DUOXA2: variants seen among roughly 807,000 people sequenced by gnomAD.
The protein encoded by DUOXA2 is dual oxidase maturation factor 2.
DUOXA2 carries 22 observed loss-of-function variants against 27.6 expected under a neutral mutation model. The observed-to-expected ratio is 0.80, with a 90% CI of 0.57 to 1.14. The LOEUF is 1.14. DUOXA2 is among the 50% of genes most tolerant of loss of function. The pLI is 0.00. For synonymous variants in DUOXA2, 188 were observed against 184.4 expected (o/e 1.02, Z -0.16); for missense variants, 481 against 419.9 (o/e 1.15, Z -1.27).
At position 45,117,224 on chromosome 15, in the gene DUOXA2, G is replaced by T. The variant is rs1245993802; in HGVS notation, c.688G>T (p.Val230Leu). The T allele has an allele frequency of 2.5e-6, 4 of 1,610,234 alleles. No individual in the cohort carries two copies. Among genetic ancestry groups the T allele is most frequent in the Middle Eastern group, 1.7e-4 (1 of 5,942 alleles). ...GVFALASISS[V>L]PLCPLRLGSS... is the part of the protein sequence containing the mutation. Reference sequence around the variant, plus strand: ...CTTCGCCTTGGCCTCCATCTCTAGCGTGCCGCTCTGCCCGCTCCGCCTAGG... The same window carrying T: ...CTTCGCCTTGGCCTCCATCTCTAGCTTGCCGCTCTGCCCGCTCCGCCTAGG... The change falls in exon 5 of 6, where the codon GTG becomes TTG. Residue 230 changes from valine (V) to leucine (L), a missense_variant. Physicochemically the swap from Val to Leu is conservative, Grantham distance 32 (BLOSUM62 1). Transcript: ENST00000323030.
In DUOXA2 at chr15:45,117,992, C is replaced by G. The variant is rs762951356; in HGVS notation, c.*83C>G. ...GCCCGCCAGGCCTGGGCCAGGAGAG[C>G]TCCAGGAAGGGCACTGAGCGCTGCT... On this transcript the variant is annotated 3_prime_UTR_variant, in exon 6 of 6. Transcript: ENST00000323030. 1.7e-5 allele frequency: 28 copies of G among 1,611,864 alleles called. No individual in the cohort carries two copies. The highest frequency in any genetic ancestry group is 1.6e-4 in the Middle Eastern group (1 of 6,076).
chr15:45,116,923 C>T (rs1894665561), intron 4 of DUOXA2, 168 bp from the exon 5 acceptor site: 9 of 1,044,456 alleles, frequency 8.6e-6, no homozygotes, highest in Admixed American at 2.1e-5. Context: ...ACTCCAGCCA[C>T]CGCCTGGACC....
At chr15:45,116,492 C>G (rs1419504088) in intron 3 of DUOXA2, 24 bp from the exon 4 acceptor site, 4 of 1,611,550 alleles carry the variant, frequency 2.5e-6, no homozygotes, top group African/African-American at 1.3e-5. Context: ...GCGGGCAGCC[C>G]CATGAGCCCG....
Position 45,114,846 on chromosome 15 carries a change from C to A in DUOXA2, c.147+94C>A, listed in dbSNP as rs75156596. The A allele has an allele frequency of 4.1e-3, 6,490 of 1,576,622 alleles. 255 individuals are homozygous for A. In the African/African-American group the frequency reaches 0.079, roughly 19 times the overall value. ...CAGGACAGGTAAGACTGTACAAGAG[C>A]CTCCATGAATAGTCGAATTGAGGCT... is the stretch of plus-strand genomic sequence containing the variant. On this transcript the variant is annotated intron_variant, in intron 1 of 5. Transcript: ENST00000323030.
At chr15:45,117,551 G>A (rs1377300926) in intron 5 of DUOXA2, 165 bp from the exon 6 acceptor site, 1 of 1,578,114 alleles carries the variant, frequency 6.3e-7, no homozygotes, top group Non-Finnish European at 8.6e-7. Flanking sequence ...TAACACAAGG[G>A]GTAGGCTCCA....
In DUOXA2 at chr15:45,117,998, G is replaced by A; in HGVS notation, c.*89G>A. On this transcript the variant is annotated 3_prime_UTR_variant, in exon 6 of 6. Coordinates refer to ENST00000323030, the MANE Select transcript of DUOXA2 (RefSeq NM_207581.4). ...CAGGCCTGGGCCAGGAGAGCTCCAGGAAGGGCACTGAGCGCTGCTGGCGCG... is the reference window on the plus strand; with the variant it reads ...CAGGCCTGGGCCAGGAGAGCTCCAGAAAGGGCACTGAGCGCTGCTGGCGCG... The A allele has an allele frequency of 6.2e-7, 1 of 1,611,514 alleles. No homozygotes were observed. The highest frequency in any genetic ancestry group is 8.5e-7 in the Non-Finnish European group (1 of 1,178,728).
At chr15:45,117,571 A>G (rs1464038702) in intron 5 of DUOXA2, 145 bp from the exon 6 acceptor site, 18 of 1,599,662 alleles carry the variant, frequency 1.1e-5, no homozygotes, top group Non-Finnish European at 1.4e-5. Context: ...AAAAGATGGA[A>G]GAAGGCCCGG....
chr15:45,115,470 TCACCA>T, intron 1 of DUOXA2: 1 of 545,914 alleles, frequency 1.8e-6, no homozygotes, highest in Non-Finnish European at 3.5e-6. Flanking sequence ...TCACTGAGCC[TCACCA>T]AGCAGTGACT....
chr15:45,117,781 C>A lies in DUOXA2; in HGVS notation c.835C>A (p.Arg279Ser), dbSNP rs754722228. The A allele has an allele frequency of 1.7e-5, 28 of 1,613,880 alleles. No individual in the cohort carries two copies. The Middle Eastern group carries it at 1.6e-3, about 95-fold the overall frequency. The stretch of plus-strand genomic sequence containing the variant: ...CCAGTATGTTCGGCCCAGCGCTCTT[C>A]GCACCCTTCTGGACCAAAGCGCCAA... ...SLQYVRPSALRTLLDQSAKDC... is the reference protein window; with the variant it reads ...SLQYVRPSALSTLLDQSAKDC... The change falls in exon 6 of 6, where the codon CGC becomes AGC. Residue 279 changes from arginine to serine, a missense_variant. Coordinates refer to ENST00000323030, the MANE Select transcript of DUOXA2 (RefSeq NM_207581.4).
chr15:45,117,501 G>T, intron 5 of DUOXA2, 196 bp downstream of exon 5: 4 of 1,552,868 alleles, frequency 2.6e-6, no homozygotes, highest in Non-Finnish European at 3.5e-6. Context: ...GTGTCTTGCC[G>T]TGTTTCATGT....
Position 45,114,388 on chromosome 15 carries a change from C to T in DUOXA2, c.-218C>T. The T allele has an allele frequency of 3.3e-6, 2 of 614,632 alleles. No homozygotes were observed. The highest frequency in any genetic ancestry group is 5.7e-6 in the Non-Finnish European group (2 of 350,802). The allele number at this position is 614,632 out of a possible 1,614,324, so 38.1% of individuals were successfully genotyped here. On this transcript the variant is annotated 5_prime_UTR_variant, in exon 1 of 6. Coordinates refer to ENST00000323030, the MANE Select transcript of DUOXA2 (RefSeq NM_207581.4). ...GACAGTGAGAAATAGTTTCGCTCGC[C>T]GGCTAGAAAAACTCTGTCGGTACCA...
rs760670953 is a variant in DUOXA2, at chr15:45,116,253, TCA to T, written c.338_339del (p.Thr113ArgfsTer12). The T allele has an allele frequency of 7.4e-6, 12 of 1,613,634 alleles. No homozygotes were observed. Among genetic ancestry groups the T allele is most frequent in the Non-Finnish European group, 2.5e-6 (3 of 1,179,846 alleles). ...GGCCTGGAGGGCATTAATATTACAC[TCA>T]CAGGTGAGGGGGCTGGGGCTAAATG... On this transcript the variant is annotated frameshift_variant, in exon 3 of 6. Transcript: ENST00000323030. LOFTEE classifies it high-confidence loss of function.
At chr15:45,117,694 C>G (rs1368204878) in intron 5 of DUOXA2, 22 bp from the exon 6 acceptor site, 1 of 1,613,552 alleles carries the variant, frequency 6.2e-7, no homozygotes, top group African/African-American at 1.3e-5. Context: ...GCCCTCCTTT[C>G]TTTCGATCCC....
chr15:45,116,392 C>T, intron 3 of DUOXA2, 124 bp from the exon 4 acceptor site: 1 of 1,557,792 alleles, frequency 6.4e-7, no homozygotes, highest in South Asian at 1.1e-5. Flanking sequence ...TTTGCGTTTT[C>T]TCCAACCACC....
rs749664855 is a variant in DUOXA2 at position 45,117,258 on chromosome 15, C to T, written c.722C>T (p.Ala241Val). 8 of 1,609,486 alleles carry T rather than the reference C, an allele frequency of 5.0e-6. No individual in the cohort carries two copies. Among genetic ancestry groups the T allele is most frequent in the Admixed American group, 1.7e-5 (1 of 59,902 alleles). ...PLCPLRLGSS[A>V]LTTQYGAAFW... ...TGCCCGCTCCGCCTAGGCTCCTCCG[C>T]GCTCACCACTCAGTACGGCGCCGCC... The change falls in exon 5 of 6, where the codon GCG (alanine) becomes GTG (valine). Residue 241 changes from alanine to valine, a missense_variant. Transcript: ENST00000323030.
At chr15:45,114,898 T>C in intron 1 of DUOXA2, 146 bp downstream of exon 1, 2 of 1,251,914 alleles carry the variant, frequency 1.6e-6, no homozygotes, top group East Asian at 2.3e-5. Context: ...AGGAGTCTGG[T>C]GCAGCAAGCA....
chr15:45,117,352 A>G (rs999568037), intron 5 of DUOXA2, 47 bp downstream of exon 5: 1 of 1,532,964 alleles, frequency 6.5e-7, no homozygotes, highest in Admixed American at 2.0e-5. Context: ...TGGAGACAGG[A>G]TTCACACCGG....
Position 45,117,305 on chromosome 15 carries a change from G to T in DUOXA2, c.769G>T (p.Gly257Cys). 6.3e-7 allele frequency: 1 copy of T among 1,590,324 alleles called. No individual in the cohort carries two copies. The highest frequency in any genetic ancestry group is 8.6e-7 in the Non-Finnish European group (1 of 1,165,992). Reference protein sequence around the residue: ...GAAFWVTLATGVLCLFLGGAV... With the variant: ...GAAFWVTLATCVLCLFLGGAV... ...CGCCTTCTGGGTCACGCTGGCAACCGGTGAGGACCGAGAGAATGGGCCCCG... is the reference window on the plus strand; with the variant it reads ...CGCCTTCTGGGTCACGCTGGCAACCTGTGAGGACCGAGAGAATGGGCCCCG... Residue 257 changes from glycine (G) to cysteine (C), a missense_variant and splice_region_variant, in exon 5 of 6, where the codon GGC (glycine) becomes TGC (cysteine). By Grantham distance (159) the Gly-to-Cys change is radical. Coordinates refer to ENST00000323030, the MANE Select transcript of DUOXA2 (RefSeq NM_207581.4).
chr15:45,116,055 C>T, intron 2 of DUOXA2, 69 bp from the exon 3 acceptor site: 1 of 1,611,340 alleles, frequency 6.2e-7, no homozygotes, highest in South Asian at 1.1e-5. Flanking sequence ...AGTGTCCCAC[C>T]TCCCATACCA....
Sources: gnomAD v4.1 joint callset for allele counts on GRCh38, gnomAD v4.1.1 for gene constraint, MANE v1.5 for transcripts, NCBI Gene and HGNC (gene_info 2026-07-23, HGNC 2026-07-21) for gene names.